Variants in MKLN1 observed in about 807,000 individuals in gnomAD.
MKLN1 encodes muskelin 1.
Under a neutral mutation model 99.0 loss-of-function variants are expected in MKLN1, and 18 were observed. The observed-to-expected ratio is 0.18, with a 90% confidence interval of 0.13 to 0.27. MKLN1 has a LOEUF of 0.27. MKLN1 is among the 10% of genes least tolerant of loss of function. The pLI, the probability that MKLN1 is intolerant of heterozygous loss-of-function variation, is 1.00. For missense variants in MKLN1, 621 were observed against 875.9 expected (o/e 0.71, Z 3.67); for synonymous variants, 288 against 293.2 (o/e 0.98, Z 0.18).
intron 3 of MKLN1, among the ~76,000 whole-genome samples, chr7:131,388,335 C>T (rs1258902773): frequency 6.6e-6 from 1 of 152,028 alleles, no homozygotes; most frequent in Non-Finnish European, 1.5e-5. Context: ...TTGTGTCAGT[C>T]CTAGTTGTTT....
At chr7:131,460,461 A>G (rs909231198) in intron 12 of MKLN1, among the ~76,000 whole-genome samples, 6 of 152,254 alleles carry the variant, frequency 3.9e-5, no homozygotes, top group African/African-American at 1.4e-4. Flanking sequence ...AAGCTTTCCT[A>G]TAGAATGCGT....
chr7:131,329,585 A>T (rs1163787031), intron 1 of MKLN1, among the ~76,000 whole-genome samples: 2 of 152,174 alleles, frequency 1.3e-5, no homozygotes, highest in Non-Finnish European at 2.9e-5. Flanking sequence ...AACTGTAGAG[A>T]CATTTTTCTG....
At chr7:131,119,002 A>G (rs1795320121) in intron 1 of MKLN1, among the ~76,000 whole-genome samples, 1 of 152,200 alleles carries the variant, frequency 6.6e-6, no homozygotes, top group South Asian at 2.1e-4. Context: ...CATGCCTTCC[A>G]AACAGTCCCT....
intron 16 of MKLN1, 24 bp from the exon 17 acceptor site, chr7:131,478,595 CTTTT>C: frequency 4.8e-5 from 59 of 1,237,056 alleles, no homozygotes; most frequent in Admixed American, 2.8e-4. Flanking sequence ...TTTGCTGCTT[CTTTT>C]TTTTTTTTTT....
At chr7:131,471,929 C>T (rs1022990692) in intron 16 of MKLN1, 5 of 152,216 alleles carry the variant, frequency 3.3e-5, no homozygotes, top group South Asian at 2.1e-4. Context: ...TTCATAGTTT[C>T]GTACTATAAA....
chr7:131,323,120 C>T (rs114859684), upstream of MKLN1, among the ~76,000 whole-genome samples: 1,948 of 152,172 alleles, frequency 0.013, 50 homozygotes, highest in African/African-American at 0.044. Context: ...AGTCTTATTC[C>T]CATTCTGTTG....
intron 3 of MKLN1, among the ~76,000 whole-genome samples, chr7:131,283,650 G>T (rs1215392086): frequency 6.6e-6 from 1 of 151,854 alleles, no homozygotes; most frequent in African/African-American, 2.4e-5. Flanking sequence ...GCTCAGGCTG[G>T]TCTAGAACTC....
chr7:131,289,146 A>G (rs1798178243), intron 3 of MKLN1, among the ~76,000 whole-genome samples: 1 of 152,110 alleles, frequency 6.6e-6, no homozygotes, highest in African/African-American at 2.4e-5. Context: ...TTGACAAACC[A>G]TCTCATGAGC....
intron 3 of MKLN1, among the ~76,000 whole-genome samples, chr7:131,321,339 C>T (rs1408981334): frequency 6.6e-6 from 1 of 152,158 alleles, no homozygotes; most frequent in Middle Eastern, 3.2e-3. Flanking sequence ...GAAAACCAAA[C>T]ACCACATGTT....
chr7:131,436,362 A>G (rs138551242), intron 9 of MKLN1, among the ~76,000 whole-genome samples: 1 of 152,204 alleles, frequency 6.6e-6, no homozygotes, highest in Non-Finnish European at 1.5e-5. Context: ...TCAGTCATTC[A>G]TCAGGCTTTC....
intron 2 of MKLN1, among the ~76,000 whole-genome samples, chr7:131,167,426 C>A (rs1185260620): frequency 6.6e-6 from 1 of 152,058 alleles, no homozygotes; most frequent in Non-Finnish European, 1.5e-5. Flanking sequence ...AATCCCAGCA[C>A]TTTGGGAGGC....
chr7:131,220,902 A>G (rs1363870794), intron 3 of MKLN1, among the ~76,000 whole-genome samples: 1 of 152,222 alleles, frequency 6.6e-6, no homozygotes. Context: ...TAATGATATT[A>G]TATAACATAT....
intron 1 of MKLN1, among the ~76,000 whole-genome samples, chr7:131,130,017 G>A (rs1269867536): frequency 1.3e-5 from 2 of 152,260 alleles, no homozygotes; most frequent in South Asian, 2.1e-4. Flanking sequence ...AGTTCACTTC[G>A]ATAGACATGT....
chr7:131,447,769 C>A lies in MKLN1; in HGVS notation c.1525+1866C>A, dbSNP rs544750700. Among the ~76,000 whole-genome samples the A allele has an allele frequency of 1.4e-4, 22 of 152,268 alleles. No homozygotes were observed. The South Asian group carries it at 2.9e-3, about 20-fold the overall frequency. On this transcript the variant is annotated intron_variant, in intron 12 of 17. Coordinates refer to ENST00000352689, the MANE Select transcript of MKLN1 (RefSeq NM_013255.5). Reference sequence around the variant, plus strand: ...ATTCCCATGGATAATAATTACTACTCTTTATTTAGACCCTACCATATACCA... The same window carrying A: ...ATTCCCATGGATAATAATTACTACTATTTATTTAGACCCTACCATATACCA...
chr7:131,449,245 T>C (rs1584755101), intron 12 of MKLN1, among the ~76,000 whole-genome samples: 2 of 152,164 alleles, frequency 1.3e-5, no homozygotes, highest in Non-Finnish European at 2.9e-5. Flanking sequence ...GTGGGACTGG[T>C]ACGTATTGAG....
chr7:131,294,115 G>T (rs1236068775), intron 3 of MKLN1, among the ~76,000 whole-genome samples: 1 of 152,118 alleles, frequency 6.6e-6, no homozygotes, highest in Non-Finnish European at 1.5e-5. Flanking sequence ...TATGGACCTT[G>T]TTAATATCTT....
chr7:131,445,536 A>G (rs1319436240), intron 11 of MKLN1, among the ~76,000 whole-genome samples: 2 of 151,770 alleles, frequency 1.3e-5, no homozygotes, highest in Non-Finnish European at 2.9e-5. Context: ...ACACAAAGGA[A>G]GAAGGAACCT....
intron 13 of MKLN1, among the ~76,000 whole-genome samples, chr7:131,463,946 A>G (rs1796588504): frequency 6.6e-6 from 1 of 152,228 alleles, no homozygotes; most frequent in Non-Finnish European, 1.5e-5. Flanking sequence ...TCTAAATAGG[A>G]CATTTATTTA....
intron 1 of MKLN1, among the ~76,000 whole-genome samples, chr7:131,371,781 T>TAC (rs1554560795): frequency 7.9e-5 from 12 of 151,198 alleles, no homozygotes; most frequent in East Asian, 3.9e-4. Flanking sequence ...TATATATATA[T>TAC]ACACTTAATT....
Sources: allele counts gnomAD v4.1 joint callset (sites outside exome capture counted in the v4.1 genomes callset), GRCh38; gene constraint gnomAD v4.1.1; transcripts MANE v1.5; gene names NCBI Gene and HGNC (gene_info 2026-07-23, HGNC 2026-07-21).